WWOX: variants seen among roughly 807,000 people sequenced by gnomAD.
WWOX encodes the protein WW domain containing oxidoreductase, also known as WW domain-containing oxidoreductase.
A neutral mutation model predicts 46.2 loss-of-function variants in WWOX; 69 were observed. The ratio of observed to expected loss-of-function variants is 1.49; its 90% confidence interval spans 1.23 to 1.82. The LOEUF is 1.82. Among genes scored for constraint, WWOX ranks in the 40% most tolerant of loss-of-function variants. The pLI, the probability that WWOX is intolerant of heterozygous loss-of-function variation, is 0.00. For synonymous variants in WWOX, 359 were observed against 202.6 expected (o/e 1.77, Z -6.56); for missense variants, 919 against 542.6 (o/e 1.69, Z -6.89).
intron 8 of WWOX, among the ~76,000 whole-genome samples, chr16:78,585,420 C>T (rs1032883401): frequency 6.6e-6 from 1 of 152,174 alleles, no homozygotes; most frequent in African/African-American, 2.4e-5. Context: ...TTGACTCTTA[C>T]AGCCTTTGAC....
At chr16:78,962,175 T>C (rs2046282936) in intron 8 of WWOX, among the ~76,000 whole-genome samples, 1 of 152,054 alleles carries the variant, frequency 6.6e-6, no homozygotes, top group African/African-American at 2.4e-5. Context: ...AAGCCTAGGC[T>C]TTAATGAGGA....
At chr16:78,145,437 C>T (rs949856250) in intron 4 of WWOX, among the ~76,000 whole-genome samples, 13 of 152,078 alleles carry the variant, frequency 8.5e-5, no homozygotes, top group Middle Eastern at 3.4e-3. Flanking sequence ...ACTTGGAGTC[C>T]GATGTTCCAG....
At chr16:78,923,956 C>T (rs141621718) in intron 8 of WWOX, among the ~76,000 whole-genome samples, 13 of 151,790 alleles carry the variant, frequency 8.6e-5, no homozygotes, top group South Asian at 2.1e-4. Flanking sequence ...CCCGCCACCA[C>T]GCCTGGCTAA....
At chr16:78,461,953 T>C (rs2083961092) in intron 8 of WWOX, among the ~76,000 whole-genome samples, 1 of 152,238 alleles carries the variant, frequency 6.6e-6, no homozygotes, top group South Asian at 2.1e-4. Flanking sequence ...GCCAGCAGTA[T>C]CCCAATGGAA....
At chr16:78,601,327 A>G (rs1440291053) in intron 8 of WWOX, among the ~76,000 whole-genome samples, 1 of 152,184 alleles carries the variant, frequency 6.6e-6, no homozygotes, top group Non-Finnish European at 1.5e-5. Context: ...TGTTGGAGAC[A>G]GATTCTGGAG....
intron 8 of WWOX, among the ~76,000 whole-genome samples, chr16:78,900,658 A>C (rs1334566114): frequency 6.6e-6 from 1 of 152,176 alleles, no homozygotes; most frequent in Non-Finnish European, 1.5e-5. Flanking sequence ...TTGCTTTGTA[A>C]ATCTATTACT....
chr16:78,416,248 T>A (rs1041283973), intron 6 of WWOX, among the ~76,000 whole-genome samples: 2 of 152,234 alleles, frequency 1.3e-5, no homozygotes, highest in African/African-American at 4.8e-5. Context: ...CAGAGCCTTT[T>A]GAATTGCAAT....
At chr16:79,042,193 G>C (rs998247505) in intron 8 of WWOX, among the ~76,000 whole-genome samples, 1 of 152,126 alleles carries the variant, frequency 6.6e-6, no homozygotes, top group Non-Finnish European at 1.5e-5. Context: ...GAGTGCCCTA[G>C]CTGGGGTTGG....
At chr16:78,559,068 C>A (rs79285108) in intron 8 of WWOX, among the ~76,000 whole-genome samples, 2 of 152,182 alleles carry the variant, frequency 1.3e-5, no homozygotes, top group Non-Finnish European at 2.9e-5. Context: ...CACATAGTTC[C>A]GTCTGGCTTG....
intron 8 of WWOX, among the ~76,000 whole-genome samples, chr16:78,706,989 C>A (rs2048340923): frequency 6.6e-6 from 1 of 152,124 alleles, no homozygotes. Context: ...GTGAATCAGT[C>A]AGTTGCCTAG....
At chr16:79,148,988 A>G (rs919470299) in intron 8 of WWOX, among the ~76,000 whole-genome samples, 4 of 152,138 alleles carry the variant, frequency 2.6e-5, no homozygotes, top group Admixed American at 6.6e-5. Context: ...ATATGCAAAT[A>G]GAGAATTTTA....
At chr16:79,163,209 G>A (rs1370556496) in intron 8 of WWOX, among the ~76,000 whole-genome samples, 1 of 152,112 alleles carries the variant, frequency 6.6e-6, no homozygotes, top group Non-Finnish European at 1.5e-5. Context: ...ATTGGGAGGA[G>A]GGAAGAAAGT....
At chr16:78,934,434 A>G (rs1473949728) in intron 8 of WWOX, among the ~76,000 whole-genome samples, 1 of 146,294 alleles carries the variant, frequency 6.8e-6, no homozygotes, top group South Asian at 2.2e-4. Context: ...ACTTGAGTCC[A>G]GGAGGTCAAG....
At chr16:78,392,812 C>G in intron 6 of WWOX, among the ~76,000 whole-genome samples, 1 of 152,118 alleles carries the variant, frequency 6.6e-6, no homozygotes, top group Non-Finnish European at 1.5e-5. Context: ...TTTCTTCAGG[C>G]CCAGCACGTC....
At chr16:79,164,599 C>A (rs913878867) in intron 8 of WWOX, among the ~76,000 whole-genome samples, 2 of 152,200 alleles carry the variant, frequency 1.3e-5, no homozygotes, top group African/African-American at 4.8e-5. Flanking sequence ...AGACCTCCGG[C>A]TGACACCAAA....
At chr16:78,704,685 A>G (rs2048294653) in intron 8 of WWOX, among the ~76,000 whole-genome samples, 1 of 152,162 alleles carries the variant, frequency 6.6e-6, no homozygotes, top group African/African-American at 2.4e-5. Context: ...ATGACATGTT[A>G]AAACTGTGTA....
intron 8 of WWOX, among the ~76,000 whole-genome samples, chr16:79,083,599 C>G (rs1463282232): frequency 1.3e-5 from 2 of 152,198 alleles, no homozygotes; most frequent in African/African-American, 4.8e-5. Flanking sequence ...AACATCCTTC[C>G]AAAATGCATT....
chr16:78,850,572 C>A (rs781314102), intron 8 of WWOX, among the ~76,000 whole-genome samples: 1 of 152,076 alleles, frequency 6.6e-6, no homozygotes, highest in Admixed American at 6.5e-5. Context: ...GTCCCCTCTC[C>A]CCCATTGTTT....
At chr16:78,761,647 C>A (rs1419196904) in intron 8 of WWOX, among the ~76,000 whole-genome samples, 1 of 152,096 alleles carries the variant, frequency 6.6e-6, no homozygotes, top group Non-Finnish European at 1.5e-5. Flanking sequence ...TTTGTGACAT[C>A]TGGGCCACCC....
Sources: allele counts gnomAD v4.1 joint callset (sites outside exome capture counted in the v4.1 genomes callset), GRCh38; gene constraint gnomAD v4.1.1; transcripts MANE v1.5; gene names NCBI Gene and HGNC (gene_info 2026-07-23, HGNC 2026-07-21).